Variants in PRKG1 observed in about 807,000 individuals in gnomAD.
PRKG1 encodes the protein protein kinase cGMP-dependent 1, also known as cGMP-dependent protein kinase 1.
PRKG1 carries 35 observed loss-of-function variants against 88.1 expected under a neutral mutation model. That is an observed-to-expected ratio of 0.40 (90% CI 0.30 to 0.53). PRKG1 has a LOEUF of 0.53. Among genes scored for constraint, PRKG1 ranks in the 20% least tolerant of loss-of-function variants. The pLI is 0.59. For missense variants in PRKG1, 540 were observed against 839.8 expected (o/e 0.64, Z 4.41); for synonymous variants, 303 against 292.5 (o/e 1.04, Z -0.37).
At chr10:51,871,469 C>T (rs758210746) in intron 4 of PRKG1, among the ~76,000 whole-genome samples, 2 of 152,162 alleles carry the variant, frequency 1.3e-5, no homozygotes, top group African/African-American at 2.4e-5. Flanking sequence ...CTGCCCACTG[C>T]ACACAGCAAG....
At chr10:51,777,106 A>G (rs1446972394) in intron 3 of PRKG1, among the ~76,000 whole-genome samples, 1 of 152,162 alleles carries the variant, frequency 6.6e-6, no homozygotes, top group African/African-American at 2.4e-5. Flanking sequence ...TGATTTGTAC[A>G]ACTTTGCCAT....
chr10:51,606,898 G>A (rs1437840886), intron 3 of PRKG1, among the ~76,000 whole-genome samples: 4 of 152,128 alleles, frequency 2.6e-5, no homozygotes, highest in Non-Finnish European at 4.4e-5. Flanking sequence ...GGAAGTGGTA[G>A]GCTACCCAAG....
At chr10:51,742,142 T>G (rs1837450532) in intron 3 of PRKG1, among the ~76,000 whole-genome samples, 1 of 152,132 alleles carries the variant, frequency 6.6e-6, no homozygotes, top group African/African-American at 2.4e-5. Flanking sequence ...CCCCTAACCA[T>G]CTGGGAAAGA....
At chr10:51,070,234 T>C (rs1843808354), upstream of PRKG1, among the ~76,000 whole-genome samples, 1 of 152,134 alleles carries the variant, frequency 6.6e-6, no homozygotes, top group Non-Finnish European at 1.5e-5. Context: ...TCTCTAATAT[T>C]AATAGAATAT....
intron 2 of PRKG1, among the ~76,000 whole-genome samples, chr10:51,199,600 GT>G (rs1837859657): frequency 6.6e-6 from 1 of 152,190 alleles, no homozygotes; most frequent in Admixed American, 6.5e-5. Context: ...CCATCAGAAA[GT>G]GGGATTCAGG....
At chr10:51,050,249 G>A (rs755738965) in intron 1 of PRKG1, among the ~76,000 whole-genome samples, 6 of 151,624 alleles carry the variant, frequency 4.0e-5, no homozygotes, top group African/African-American at 7.3e-5. Context: ...ACTATTCTGC[G>A]CCTCTAGACC....
intron 7 of PRKG1, among the ~76,000 whole-genome samples, chr10:52,117,862 G>T (rs1464246280): frequency 6.6e-6 from 1 of 151,664 alleles, no homozygotes; most frequent in East Asian, 1.9e-4. Flanking sequence ...TCTATACCAT[G>T]GCCTTTTCAC....
chr10:52,133,264 A>T (rs777075999), intron 7 of PRKG1, among the ~76,000 whole-genome samples: 10 of 152,150 alleles, frequency 6.6e-5, no homozygotes, highest in Non-Finnish European at 1.3e-4. Flanking sequence ...CAATATTTAC[A>T]TGTTTCTATC....
At chr10:51,048,110 G>T (rs1036798291) in intron 1 of PRKG1, among the ~76,000 whole-genome samples, 1 of 152,056 alleles carries the variant, frequency 6.6e-6, no homozygotes, top group African/African-American at 2.4e-5. Flanking sequence ...ATTCTTTGTC[G>T]ATTCTTGCAT....
chr10:51,132,085 A>G (rs1445749284), intron 1 of PRKG1, among the ~76,000 whole-genome samples: 1 of 152,162 alleles, frequency 6.6e-6, no homozygotes, highest in Non-Finnish European at 1.5e-5. Context: ...TGTAAACCTC[A>G]GGTGTGGGTT....
chr10:51,836,440 T>G (rs532119204), intron 4 of PRKG1, among the ~76,000 whole-genome samples: 2 of 152,264 alleles, frequency 1.3e-5, no homozygotes, highest in African/African-American at 2.4e-5. Context: ...TTGTCTATAT[T>G]TGCATTTGTT....
At chr10:51,663,702 C>CAAAAA (rs56804341) in intron 3 of PRKG1, among the ~76,000 whole-genome samples, 5 of 72,706 alleles carry the variant, frequency 6.9e-5, no homozygotes, top group Non-Finnish European at 8.3e-5. Context: ...GACCCTGTCT[C>CAAAAA]AAAAAAAAAA....
intron 3 of PRKG1, among the ~76,000 whole-genome samples, chr10:51,738,260 G>T (rs1837342648): frequency 6.6e-6 from 1 of 152,132 alleles, no homozygotes; most frequent in Non-Finnish European, 1.5e-5. Context: ...ATTACCTAGA[G>T]TTTTTTGTTT....
In PRKG1 at chr10:51,621,789, C is replaced by T. The variant is rs562298040; in HGVS notation, c.592+153953C>T. On this transcript the variant is annotated intron_variant, in intron 3 of 17. Coordinates refer to ENST00000373980, the MANE Select transcript of PRKG1 (RefSeq NM_006258.4). ...AATTCAACTTGATTCCTAAGTTACA[C>T]CAGTGAATAATTCTCACCTTTGGTG... Among the ~76,000 whole-genome samples the T allele has an allele frequency of 2.0e-4, 30 of 152,312 alleles. No homozygotes were observed. In the South Asian group the frequency reaches 6.0e-3, roughly 30 times the overall value.
intron 7 of PRKG1, among the ~76,000 whole-genome samples, chr10:52,078,074 G>C (rs2133298669): frequency 6.6e-6 from 1 of 152,216 alleles, no homozygotes; most frequent in East Asian, 1.9e-4. Context: ...TTCCCATATG[G>C]GGAAACATGT....
chr10:52,037,912 G>A (rs1845658725), intron 5 of PRKG1, among the ~76,000 whole-genome samples: 1 of 152,114 alleles, frequency 6.6e-6, no homozygotes, highest in African/African-American at 2.4e-5. Flanking sequence ...GGGACAGGCG[G>A]GAGGGAAAGA....
chr10:52,105,919 C>G (rs566813744), intron 7 of PRKG1, among the ~76,000 whole-genome samples: 120 of 152,072 alleles, frequency 7.9e-4, no homozygotes, highest in Non-Finnish European at 1.5e-3. Flanking sequence ...GCACCCATCA[C>G]TCAAGCAGTG....
chr10:51,369,183 T>C (rs781549174), intron 2 of PRKG1, among the ~76,000 whole-genome samples: 3 of 152,126 alleles, frequency 2.0e-5, no homozygotes, highest in Non-Finnish European at 2.9e-5. Flanking sequence ...TGTTTCTGAA[T>C]GGAGTGTCTT....
chr10:51,875,215 G>T (rs1841264148), intron 4 of PRKG1, among the ~76,000 whole-genome samples: 1 of 151,978 alleles, frequency 6.6e-6, no homozygotes, highest in African/African-American at 2.4e-5. Context: ...GAATGCATTT[G>T]TGAGATAGAG....
Sources: allele counts gnomAD v4.1 joint callset (sites outside exome capture counted in the v4.1 genomes callset), GRCh38; gene constraint gnomAD v4.1.1; transcripts MANE v1.5; gene names NCBI Gene and HGNC (gene_info 2026-07-23, HGNC 2026-07-21).